The following TTN variants were observed in gnomAD, a reference collection of about 807,000 sequenced individuals.
The protein encoded by TTN is titin.
Under a neutral mutation model 3,223.0 loss-of-function variants are expected in TTN, and 1,525 were observed. The ratio of observed to expected loss-of-function variants is 0.47; its 90% CI spans 0.45 to 0.49. The LOEUF is 0.49. Ranked by LOEUF, TTN falls within the 20% of genes least tolerant of loss-of-function variation. TTN has a pLI of 0.00. For synonymous variants in TTN, 14,094 were observed against 15,161.0 expected, an observed-to-expected ratio of 0.93 and a Z score of 5.17; for missense variants, 40,786 against 43,424.0, an observed-to-expected ratio of 0.94 and a Z score of 5.40.
intron 10 of TTN, among the ~76,000 whole-genome samples, chr2:178,791,424 C>T (rs2154354287): frequency 6.6e-6 from 1 of 152,282 alleles, no homozygotes; most frequent in South Asian, 2.1e-4. Context: ...AAATGCCTCT[C>T]TCCTGACACT....
intron 47 of TTN, chr2:178,747,073 G>A: frequency 6.2e-7 from 1 of 1,612,568 alleles, no homozygotes; most frequent in Non-Finnish European, 8.5e-7. Flanking sequence ...CCTCCCCTGG[G>A]GGTGTGGAAT....
chr2:178,777,844 T>C lies in TTN; in HGVS notation c.4340A>G (p.Asp1447Gly). 6.2e-7 allele frequency: 1 copy of C among 1,614,094 alleles called. No individual in the cohort carries two copies. Among genetic ancestry groups the C allele is most frequent in the Non-Finnish European group, 8.5e-7 (1 of 1,179,956 alleles). ...MSPGRRLEET[D>G]ESQLERLYKP... ...ATATAGTCTCTCAAGTTGTGACTCA[T>C]CTGTCTCCTCCAGCCTACGTCCAGG... Residue 1447 changes from aspartate (D) to glycine (G), a missense_variant, in exon 25 of 363, where the codon GAT becomes GGT. Coordinates refer to ENST00000589042, the MANE Select transcript of TTN (RefSeq NM_001267550.2).
intron 112 of TTN, among the ~76,000 whole-genome samples, chr2:178,698,327 T>C (rs147265016): frequency 3.0e-4 from 46 of 152,264 alleles, no homozygotes; most frequent in Admixed American, 5.2e-4. Context: ...GTGGTGAATA[T>C]AGTTAATAAT....
intron 119 of TTN, among the ~76,000 whole-genome samples, 177 bp downstream of exon 119, chr2:178,693,432 T>C (rs1022126849): frequency 1.3e-5 from 2 of 152,050 alleles, no homozygotes; most frequent in South Asian, 4.2e-4. Context: ...TTCACTTTTT[T>C]CCCCCTGTGC....
chr2:178,684,977 G>T lies in TTN; in HGVS notation c.32483C>A (p.Pro10828His). ...EPPPAKVPEAPKKIVPEKKVP... is the reference protein window; with the variant it reads ...EPPPAKVPEAHKKIVPEKKVP... ...TTTCTTTTCTGGCACAATTTTCTTA[G>T]GTGCTTCAGGAACTTTAGAAAGATT... The change falls in exon 130 of 363, where the codon CCT becomes CAT. Residue 10828 changes from proline to histidine, a missense_variant. By Grantham distance (77) the Pro-to-His change is moderately conservative (BLOSUM62 -2). Transcript: ENST00000589042. 6.2e-7 allele frequency: 1 copy of T among 1,603,212 alleles called. No homozygotes were observed. The highest frequency in any genetic ancestry group is 1.1e-5 in the South Asian group (1 of 89,322).
At chr2:178,675,820 G>A (rs2067959872) in intron 148 of TTN, 66 bp from the exon 149 acceptor site, 4 of 1,523,964 alleles carry the variant, frequency 2.6e-6, no homozygotes, top group East Asian at 2.4e-5. Flanking sequence ...AGACACAGCA[G>A]TAATATAAGT....
rs755958191 is a variant in TTN at position 178,729,313 on chromosome 2, T to C, written c.18843A>G (p.Ser6281=). The change falls in exon 64 of 363, where the codon TCA becomes TCG. Residue 6281 remains serine, a synonymous_variant. Coordinates refer to ENST00000589042, the MANE Select transcript of TTN (RefSeq NM_001267550.2). The part of the protein sequence containing the change: ...CIVSNEGGSC[S]CSTRVALKEP... The stretch of plus-strand genomic sequence containing the variant: ...CTTTCAGGGCAACTCTAGTACTGCA[T>C]GAGCAGCTGCCGCCTTCATTGGATA... 54 of 1,611,482 alleles carry C rather than the reference T, an allele frequency of 3.4e-5. No homozygotes were observed. The highest frequency in any genetic ancestry group is 3.2e-5 in the Non-Finnish European group (38 of 1,178,284).
In TTN at chr2:178,616,610, CT is replaced by C; in HGVS notation, c.48180del (p.Glu16061AsnfsTer2). The C allele has an allele frequency of 6.2e-7, 1 of 1,612,188 alleles. No individual in the cohort carries two copies. The highest frequency in any genetic ancestry group is 8.5e-7 in the Non-Finnish European group (1 of 1,178,952). ...TTGGTTATATCACCAAATTTCAATTCTTTGGGTGCACTTGGGCGAGCTGAAA... is the reference window on the plus strand; with the variant it reads ...TTGGTTATATCACCAAATTTCAATTCTTGGGTGCACTTGGGCGAGCTGAAA... ...VNVIARPSAP[K>X]ELKFGDITKD... On this transcript the variant is annotated frameshift_variant, in exon 257 of 363. Transcript: ENST00000589042. LOFTEE classifies it high-confidence loss of function.
In TTN at chr2:178,766,478, G is replaced by T. The variant is rs756642289; in HGVS notation, c.9606C>A (p.Ile3202=). The T allele has an allele frequency of 1.2e-6, 2 of 1,614,078 alleles. No individual in the cohort carries two copies. The highest frequency in any genetic ancestry group is 1.7e-6 in the Non-Finnish European group (2 of 1,179,986). The change falls in exon 41 of 363, where the codon ATC becomes ATA. Residue 3202 remains isoleucine (I), a synonymous_variant. Transcript: ENST00000589042. ...ERHKYVVERR[I]HRMFISETRQ... is the part of the protein sequence containing the mutation. ...TGGTCTCAGAGATAAACATTCGGTGGATTCTTCTTTCCACTACATATTTGT... is the reference window on the plus strand; with the variant it reads ...TGGTCTCAGAGATAAACATTCGGTGTATTCTTCTTTCCACTACATATTTGT...
chr2:178,804,242 A>G (rs1448837663), intron 2 of TTN, among the ~76,000 whole-genome samples: 1 of 152,192 alleles, frequency 6.6e-6, no homozygotes, highest in African/African-American at 2.4e-5. Flanking sequence ...TCTGCAGCTG[A>G]GCCCAAATAT....
chr2:178,560,636 G>T lies in TTN; in HGVS notation c.85496C>A (p.Thr28499Lys), dbSNP rs1703270570. Residue 28499 changes from threonine to lysine, a missense_variant, in exon 326 of 363, where the codon ACA (threonine) becomes AAA (lysine). Physicochemically the swap from Thr to Lys is moderately conservative, Grantham distance 78. Transcript: ENST00000589042. ...EKRETSHLAW[T>K]ICEGELQMTS... ...CATCTGTAACTCTCCTTCACATATT[G>T]TCCATGCAAGGTGGCTTGTTTCACG... 6.2e-7 allele frequency: 1 copy of T among 1,613,488 alleles called. No individual in the cohort carries two copies. Among genetic ancestry groups the T allele is most frequent in the Middle Eastern group, 1.6e-4 (1 of 6,062 alleles).
At position 178,607,972 on chromosome 2, in the gene TTN, A is replaced by G. The variant is rs879106989; in HGVS notation, c.52815T>C (p.Phe17605=). The change falls in exon 276 of 363, where the codon TTT becomes TTC. Residue 17605 remains phenylalanine, a synonymous_variant. Transcript: ENST00000589042. ...FNGGGEIVGY[F]VDKQLVGTNE... ...TTGTGCCAACCAACTGCTTATCAAC[A>G]AAATAGCCAACAATTTCCCCACCAC... is the stretch of plus-strand genomic sequence containing the variant. 1 of 1,612,978 alleles carries G rather than the reference A, an allele frequency of 6.2e-7. No homozygotes were observed. The highest frequency in any genetic ancestry group is 8.5e-7 in the Non-Finnish European group (1 of 1,179,326).
chr2:178,771,178 T>C (rs1468950809), intron 34 of TTN, 33 bp downstream of exon 34: 4 of 1,613,132 alleles, frequency 2.5e-6, no homozygotes, highest in Non-Finnish European at 3.4e-6. Flanking sequence ...GATTGTAATA[T>C]GATTTGAAAA....
rs553478382 is a variant in TTN, at chr2:178,741,521, A to G, written c.11712T>C (p.Ser3904=). ...CTTTGGAATTAATTTTTAGATAGGC[A>G]CTACATATTGTCTTTCCATAGTCAT... The part of the protein sequence containing the change: ...ASNDYGKTIC[S]AYLKINSKGE... The change falls in exon 48 of 363, where the codon AGT becomes AGC. Residue 3904 remains serine (S), a synonymous_variant. Transcript: ENST00000589042. 2 of 1,613,860 alleles carry G rather than the reference A, an allele frequency of 1.2e-6. No individual in the cohort carries two copies. The highest frequency in any genetic ancestry group is 1.3e-5 in the African/African-American group (1 of 75,036).
rs759981606 is a variant in TTN at position 178,575,344 on chromosome 2, A to G, written c.70788T>C (p.Thr23596=). Residue 23596 remains threonine (T), a synonymous_variant, in exon 326 of 363, where the codon ACT becomes ACC. Transcript: ENST00000589042. This position sits in a 1 kb window ranked among gnomAD's most constrained non-coding sequence, Gnocchi z 4.0. ...CTTGGAAGGTATATTCCTCTCCTTCAGTTAGATTCCTCACAACACATTCTA... is the reference window on the plus strand; with the variant it reads ...CTTGGAAGGTATATTCCTCTCCTTCGGTTAGATTCCTCACAACACATTCTA... ...KGLECVVRNL[T]EGEEYTFQVM... is the part of the protein sequence containing the mutation. 1.2e-6 allele frequency: 2 copies of G among 1,613,554 alleles called. No individual in the cohort carries two copies. Among genetic ancestry groups the G allele is most frequent in the Admixed American group, 3.3e-5 (2 of 60,004 alleles).
intron 128 of TTN, 64 bp from the exon 129 acceptor site, chr2:178,685,394 G>A: frequency 1.3e-6 from 2 of 1,484,982 alleles, no homozygotes; most frequent in Non-Finnish European, 1.8e-6. Context: ...AAAGTGTAAG[G>A]GATCTTTTTA....
rs200406978 is a variant in TTN, at chr2:178,565,188, A to G, written c.80944T>C (p.Phe26982Leu). The change falls in exon 326 of 363, where the codon TTT becomes CTT. Residue 26982 changes from phenylalanine (F) to leucine (L), a missense_variant. Physicochemically the swap from Phe to Leu is conservative, Grantham distance 22. Transcript: ENST00000589042. ...ACAAAGTCTGCACTAACTTCATCAA[A>G]CCGAACTGGGCCAACTGGAGGTCCA... ...KPGPPVGPVR[F>L]DEVSADFVVI... 492 of 1,613,460 alleles carry G rather than the reference A, an allele frequency of 3.0e-4. 6 individuals carry two copies. The South Asian group carries it at 4.5e-3, about 15-fold the overall frequency.
At chr2:178,752,258 A>C (rs1463615943) in intron 47 of TTN, among the ~76,000 whole-genome samples, 2 of 151,968 alleles carry the variant, frequency 1.3e-5, no homozygotes, top group Admixed American at 6.6e-5. Context: ...CTTTTCTTCA[A>C]ACTGTTGAAA....
intron 41 of TTN, 117 bp from the exon 42 acceptor site, chr2:178,764,928 A>T: frequency 8.3e-7 from 1 of 1,205,090 alleles, no homozygotes; most frequent in Non-Finnish European, 1.2e-6. Flanking sequence ...AAATTTTGGA[A>T]TTGTGGTATT....
Sources: allele counts gnomAD v4.1 joint callset (sites outside exome capture counted in the v4.1 genomes callset), GRCh38; gene constraint gnomAD v4.1.1; non-coding constraint Gnocchi (gnomAD v3.1); transcripts MANE v1.5; gene names NCBI Gene and HGNC (gene_info 2026-07-23, HGNC 2026-07-21).